The following PFKFB3 variants were observed in gnomAD, a reference collection of about 807,000 sequenced individuals.
PFKFB3 encodes 6-phosphofructo-2-kinase/fructose-2,6-bisphosphatase 3.
In PFKFB3, 33 loss-of-function variants were observed where a neutral mutation model predicts 68.0. The ratio of observed to expected loss-of-function variants is 0.49; its 90% confidence interval spans 0.37 to 0.65. PFKFB3 has a LOEUF of 0.65. PFKFB3 is among the 30% of genes least tolerant of loss of function. The pLI is 0.00. For missense variants in PFKFB3, 586 were observed against 712.2 expected (o/e 0.82, Z 2.02); for synonymous variants, 315 against 288.2 (o/e 1.09, Z -0.94).
chr10:6,216,930 T>C, intron 5 of PFKFB3, 150 bp downstream of exon 5: 1 of 807,656 alleles, frequency 1.2e-6, no homozygotes, highest in Non-Finnish European at 2.1e-6. Flanking sequence ...CCACGTTTTG[T>C]GGCCTTAAAT....
chr10:6,296,568 C>G, the PFKFB3 span, among the ~76,000 whole-genome samples: 334 of 152,308 alleles, frequency 2.2e-3, 3 homozygotes, highest in East Asian at 0.013. Context: ...ATATGCTAAA[C>G]AAGGGGTGGA....
In PFKFB3 at chr10:6,154,352, C is replaced by T. The variant is rs1434297115; in HGVS notation, c.16+9339C>T. ...CCTCTGCCTCTCGAGTTCAAGCGATCCTCCTGCCTCAGCCTCCAGGGCAGC... is the reference window on the plus strand; with the variant it reads ...CCTCTGCCTCTCGAGTTCAAGCGATTCTCCTGCCTCAGCCTCCAGGGCAGC... On this transcript the variant is annotated intron_variant, in intron 1 of 14. Coordinates refer to the PFKFB3 transcript ENST00000379789. The surrounding 1 kb of genome is among the most constrained non-coding windows in gnomAD (Gnocchi z 4.6). 6.6e-6 allele frequency among the ~76,000 whole-genome samples: 1 copy of T among 151,534 alleles called. No homozygotes were observed. The highest frequency in any genetic ancestry group is 1.5e-5 in the Non-Finnish European group (1 of 67,942).
chr10:6,228,053 G>T lies in PFKFB3; in HGVS notation c.1515+1688G>T. On this transcript the variant is annotated intron_variant, in intron 14 of 14. Coordinates refer to ENST00000379775, the MANE Select transcript of PFKFB3 (RefSeq NM_004566.4). The surrounding 1 kb of genome is among the most constrained non-coding windows in gnomAD (Gnocchi z 4.5). ...CCGCTTCAGAGCTGCCCCTGGCGTT[G>T]GGAGGACAGTCCTTCAGGGTGGCCA... is the stretch of plus-strand genomic sequence containing the variant. 2.5e-6 allele frequency: 2 copies of T among 810,196 alleles called. No individual in the cohort carries two copies. The allele number at this position is 810,196 out of a possible 1,614,324, so 50.2% of individuals were successfully genotyped here.
chr10:6,182,074 G>A (rs1443420624), intron 1 of PFKFB3, among the ~76,000 whole-genome samples: 1 of 152,182 alleles, frequency 6.6e-6, no homozygotes, highest in Non-Finnish European at 1.5e-5. Flanking sequence ...TTTTATGTAT[G>A]TTTTGCTACA....
chr10:6,302,362 G>GTTTTTTTTTTTTT, the PFKFB3 span, among the ~76,000 whole-genome samples: 2 of 78,492 alleles, frequency 2.5e-5, no homozygotes, highest in African/African-American at 1.3e-4. Flanking sequence ...TGCCTGGCCA[G>GTTTTTTTTTTTTT]TTTTTTTTTT....
At chr10:6,266,090 G>A in the PFKFB3 span, among the ~76,000 whole-genome samples, 1 of 151,794 alleles carries the variant, frequency 6.6e-6, no homozygotes, top group Non-Finnish European at 1.5e-5. Flanking sequence ...AAATTTTTTT[G>A]TAGAGACAAG....
chr10:6,202,826 C>T (rs537200249), upstream of PFKFB3: 73 of 958,812 alleles, frequency 7.6e-5, no homozygotes, highest in Middle Eastern at 2.6e-3. Flanking sequence ...CTCCTCCCCA[C>T]GTGGAAGGGG....
At chr10:6,321,537 G>A in the PFKFB3 span, among the ~76,000 whole-genome samples, 2 of 151,958 alleles carry the variant, frequency 1.3e-5, no homozygotes, top group Non-Finnish European at 2.9e-5. Context: ...ATCTTATTCT[G>A]TGTCTTGTCA....
Position 6,221,806 on chromosome 10 carries a change from C to A in PFKFB3, c.1083+61C>A, listed in dbSNP as rs1844984977. 13 of 1,151,632 alleles carry A rather than the reference C, an allele frequency of 1.1e-5. No homozygotes were observed. The South Asian group carries it at 1.3e-4, about 12-fold the overall frequency. The allele number at this position is 1,151,632 out of a possible 1,614,324, so 71.3% of individuals were successfully genotyped here. ...CACACATGACCACTGCTGTGCAGGG[C>A]TGGGCCACCCCTCCAGGGAGTTCAC... On this transcript the variant is annotated intron_variant, in intron 10 of 14. Coordinates refer to ENST00000379775, the MANE Select transcript of PFKFB3 (RefSeq NM_004566.4).
the PFKFB3 span, among the ~76,000 whole-genome samples, chr10:6,260,371 G>A: frequency 7.9e-5 from 11 of 139,674 alleles, no homozygotes; most frequent in East Asian, 2.1e-4. Flanking sequence ...CCGAGATTGC[G>A]CCACTGCACT....
intron 1 of PFKFB3, among the ~76,000 whole-genome samples, chr10:6,152,684 C>T (rs1488795637): frequency 2.0e-5 from 3 of 149,846 alleles, no homozygotes; most frequent in Admixed American, 1.3e-4. Flanking sequence ...TGAGACCAGC[C>T]TGGGCAACAT....
chr10:6,310,588 C>T, the PFKFB3 span, among the ~76,000 whole-genome samples: 38 of 152,256 alleles, frequency 2.5e-4, no homozygotes, highest in South Asian at 2.3e-3. Flanking sequence ...TGTTGGCTGA[C>T]GAGCATTTGT....
At chr10:6,293,871 A>G in the PFKFB3 span, 2 of 414,342 alleles carry the variant, frequency 4.8e-6, no homozygotes, top group Middle Eastern at 4.3e-4. Context: ...TTGGAGAGTT[A>G]TCCTTGACTT....
rs755155698 is a variant in PFKFB3 at position 6,167,302 on chromosome 10, C to T, written c.16+22289C>T. On this transcript the variant is annotated intron_variant, in intron 1 of 14. Coordinates refer to the PFKFB3 transcript ENST00000379789. ...GTCCTCTGAGAAGTCGGGAGGAAAA[C>T]GCCTGTGCGGGTCTCATTCAGCTCT... 9.8e-5 allele frequency among the ~76,000 whole-genome samples: 15 copies of T among 152,324 alleles called. 1 individual carries two copies. Among genetic ancestry groups the T allele is most frequent in the African/African-American group, 1.4e-4 (6 of 41,564 alleles).
intron 1 of PFKFB3, 139 bp from the exon 2 acceptor site, chr10:6,213,484 T>C (rs1473728686): frequency 3.1e-6 from 3 of 959,080 alleles, no homozygotes; most frequent in Non-Finnish European, 4.7e-6. Flanking sequence ...GCCACCGTGC[T>C]CCCGCCTGGG....
intron 14 of PFKFB3, among the ~76,000 whole-genome samples, chr10:6,227,196 CTG>C (rs1845420655): frequency 6.6e-6 from 1 of 152,108 alleles, no homozygotes; most frequent in Non-Finnish European, 1.5e-5. Context: ...TTTCAGAAAA[CTG>C]TTTGTTTTCA....
chr10:6,270,729 G>A, the PFKFB3 span, among the ~76,000 whole-genome samples: 10 of 152,126 alleles, frequency 6.6e-5, no homozygotes, highest in African/African-American at 2.2e-4. Flanking sequence ...TATGACATGC[G>A]CTCATCGGAC....
Position 6,229,423 on chromosome 10 carries a change from T to C in PFKFB3, c.1515+3058T>C, listed in dbSNP as rs963046578. Among the ~76,000 whole-genome samples the C allele has an allele frequency of 3.3e-5, 5 of 152,094 alleles. No homozygotes were observed. Among genetic ancestry groups the C allele is most frequent in the African/African-American group, 1.2e-4 (5 of 41,424 alleles). On this transcript the variant is annotated intron_variant, in intron 14 of 14. Transcript: ENST00000379775. The surrounding 1 kb of genome is among the most constrained non-coding windows in gnomAD (Gnocchi z 4.3). ...GCCTCCTCTCTGCGGCTTCTGGGAGTGGGCTGGGTGCCCGTTCCCTGCTGC... is the reference window on the plus strand; with the variant it reads ...GCCTCCTCTCTGCGGCTTCTGGGAGCGGGCTGGGTGCCCGTTCCCTGCTGC...
the PFKFB3 span, among the ~76,000 whole-genome samples, chr10:6,318,807 C>T: frequency 6.6e-6 from 1 of 152,164 alleles, no homozygotes; most frequent in Non-Finnish European, 1.5e-5. Context: ...GCCACGGGAC[C>T]AGCTCCGTCT....
Sources: gnomAD v4.1 joint callset for allele counts (sites outside exome capture counted in the v4.1 genomes callset) on GRCh38, gnomAD v4.1.1 for gene constraint, Gnocchi (gnomAD v3.1) non-coding constraint, MANE v1.5 for transcripts, NCBI Gene and HGNC (gene_info 2026-07-23, HGNC 2026-07-21) for gene names.